Variants in LRFN5 observed in about 807,000 individuals in gnomAD.
LRFN5 encodes the protein leucine rich repeat and fibronectin type III domain containing 5, also known as leucine-rich repeat and fibronectin type-III domain-containing protein 5.
A neutral mutation model predicts 45.6 loss-of-function variants in LRFN5; 24 were observed. The observed-to-expected ratio is 0.53, with a 90% CI of 0.38 to 0.74. LRFN5 has a LOEUF of 0.74. Ranked by LOEUF, LRFN5 falls within the 30% of genes least tolerant of loss-of-function variation. The probability of loss-of-function intolerance (pLI) is 0.00; values close to 1 mark genes in which losing one functional copy is unlikely to be tolerated. For synonymous variants in LRFN5, 340 were observed against 313.8 expected (o/e 1.08, Z -0.88); for missense variants, 776 against 861.5 (o/e 0.90, Z 1.24).
chr14:41,876,816 A>T (rs1890204717), intron 2 of LRFN5, among the ~76,000 whole-genome samples: 1 of 152,110 alleles, frequency 6.6e-6, no homozygotes, highest in African/African-American at 2.4e-5. Flanking sequence ...TACCCGCAGC[A>T]TCCTCAAACT....
intron 1 of LRFN5, among the ~76,000 whole-genome samples, chr14:41,679,021 A>G (rs1881764880): frequency 6.7e-6 from 1 of 149,498 alleles, no homozygotes; most frequent in South Asian, 2.2e-4. Flanking sequence ...AACACCAGGC[A>G]GAACTCAGCT....
chr14:41,866,936 A>G (rs771332064), intron 2 of LRFN5, among the ~76,000 whole-genome samples: 14 of 152,112 alleles, frequency 9.2e-5, no homozygotes, highest in Non-Finnish European at 1.6e-4. Flanking sequence ...ATATTGGATC[A>G]TATTATTATA....
intron 1 of LRFN5, among the ~76,000 whole-genome samples, chr14:41,637,735 G>A (rs1879374251): frequency 6.6e-6 from 1 of 152,132 alleles, no homozygotes. Context: ...CTAAGGATAA[G>A]TCTAAAAAGT....
chr14:41,755,994 G>C lies in LRFN5; in HGVS notation c.-196-10860G>C, dbSNP rs187045571. On this transcript the variant is annotated intron_variant, in intron 1 of 5. Coordinates refer to ENST00000298119, the MANE Select transcript of LRFN5 (RefSeq NM_152447.5). ...AAAATCTCTCAGCATTTGCTTGTCT[G>C]TAAAGTATTTTATTTCTCCTTCACT... is the stretch of plus-strand genomic sequence containing the variant. Among the ~76,000 whole-genome samples, 239 of 152,276 alleles carry C rather than the reference G, an allele frequency of 1.6e-3. 1 individual carries two copies. The highest frequency in any genetic ancestry group is 2.3e-3 in the East Asian group (12 of 5,170).
At chr14:41,710,133 G>T (rs748678243) in intron 1 of LRFN5, among the ~76,000 whole-genome samples, 1 of 152,016 alleles carries the variant, frequency 6.6e-6, no homozygotes, top group Non-Finnish European at 1.5e-5. Context: ...GTAGATCAAG[G>T]TTGTTTACAG....
intron 1 of LRFN5, among the ~76,000 whole-genome samples, chr14:41,669,306 A>T (rs1881052618): frequency 1.3e-5 from 2 of 152,058 alleles, no homozygotes; most frequent in South Asian, 4.1e-4. Flanking sequence ...GAAAAAAAAA[A>T]TTAAAGGAAA....
chr14:41,888,286 A>G (rs1361530363), intron 3 of LRFN5, among the ~76,000 whole-genome samples: 1 of 152,128 alleles, frequency 6.6e-6, no homozygotes, highest in Non-Finnish European at 1.5e-5. Context: ...ACACTGATTT[A>G]TTATAAAAAT....
chr14:41,762,967 T>C (rs2138873213), intron 1 of LRFN5, among the ~76,000 whole-genome samples: 1 of 152,278 alleles, frequency 6.6e-6, no homozygotes, highest in Non-Finnish European at 1.5e-5. Flanking sequence ...GAGAAATGAT[T>C]GGTAATGATA....
chr14:41,765,051 C>G (rs2138877831), intron 1 of LRFN5, among the ~76,000 whole-genome samples: 1 of 152,096 alleles, frequency 6.6e-6, no homozygotes, highest in Admixed American at 6.6e-5. Context: ...GTTAAAGAAA[C>G]AGAGCACAGG....
intron 1 of LRFN5, among the ~76,000 whole-genome samples, chr14:41,634,170 G>A (rs1196544572): frequency 3.9e-5 from 6 of 152,058 alleles, no homozygotes; most frequent in Non-Finnish European, 8.8e-5. Context: ...GTAAAACTGG[G>A]CTGAGTTTGT....
chr14:41,658,835 C>G (rs1880495951), intron 1 of LRFN5, among the ~76,000 whole-genome samples: 1 of 151,786 alleles, frequency 6.6e-6, no homozygotes, highest in Admixed American at 6.6e-5. Flanking sequence ...TTTTTATTAA[C>G]TAAATCTGTG....
At chr14:41,707,683 G>A (rs1194232548) in intron 1 of LRFN5, among the ~76,000 whole-genome samples, 1 of 151,874 alleles carries the variant, frequency 6.6e-6, no homozygotes, top group Non-Finnish European at 1.5e-5. Context: ...TTATTTTCAA[G>A]TGTTAGCAAA....
intron 2 of LRFN5, among the ~76,000 whole-genome samples, chr14:41,840,675 C>A (rs1048699774): frequency 1.7e-4 from 26 of 151,958 alleles, no homozygotes; most frequent in Non-Finnish European, 2.9e-5. Flanking sequence ...AAATTGTAAC[C>A]TTGCCATTAT....
At chr14:41,671,231 C>T (rs1486623656) in intron 1 of LRFN5, among the ~76,000 whole-genome samples, 4 of 152,110 alleles carry the variant, frequency 2.6e-5, no homozygotes, top group Admixed American at 6.5e-5. Flanking sequence ...TTCTCAATAT[C>T]GTAATCATCT....
At chr14:41,890,759 A>G (rs1243449159) in intron 3 of LRFN5, among the ~76,000 whole-genome samples, 1 of 152,100 alleles carries the variant, frequency 6.6e-6, no homozygotes, top group Non-Finnish European at 1.5e-5. Context: ...TATTAAGTAT[A>G]TATTTACTGG....
chr14:41,779,252 A>T (rs1026313657), intron 2 of LRFN5, among the ~76,000 whole-genome samples: 2 of 151,780 alleles, frequency 1.3e-5, no homozygotes, highest in African/African-American at 4.8e-5. Flanking sequence ...AGTTGATATG[A>T]CTTTTTTTGT....
chr14:41,894,234 A>C lies in LRFN5; in HGVS notation c.2098+2272A>C, dbSNP rs75154687. The C allele has an allele frequency of 2.1e-3, 2,063 of 984,356 alleles. 3 individuals carry two copies. The highest frequency in any genetic ancestry group is 0.01 in the South Asian group (213 of 21,258). 61.0% of individuals were successfully genotyped at this position (984,356 alleles called of 1,614,324 possible). A position where few individuals can be genotyped will look rare whatever the true frequency, so the allele number is the denominator to read the frequency against. ...CATTAGCAAGGTTAACATATGTACTATAAGTTACTGATGAACTTAGTATTT... is the reference window on the plus strand; with the variant it reads ...CATTAGCAAGGTTAACATATGTACTCTAAGTTACTGATGAACTTAGTATTT... On this transcript the variant is annotated intron_variant, in intron 4 of 5. Coordinates refer to ENST00000298119, the MANE Select transcript of LRFN5 (RefSeq NM_152447.5).
chr14:41,622,799 CATG>C (rs1888181738), intron 1 of LRFN5, among the ~76,000 whole-genome samples: 1 of 152,070 alleles, frequency 6.6e-6, no homozygotes. Flanking sequence ...TATTTGTTAT[CATG>C]ATCTATTTTG....
chr14:41,747,392 A>C (rs1158081657), intron 1 of LRFN5, among the ~76,000 whole-genome samples: 2 of 152,066 alleles, frequency 1.3e-5, no homozygotes, highest in East Asian at 3.8e-4. Context: ...GCATGTGTGG[A>C]CAAATTATTT....
Sources: gnomAD v4.1 joint callset for allele counts (sites outside exome capture counted in the v4.1 genomes callset) on GRCh38, gnomAD v4.1.1 for gene constraint, MANE v1.5 for transcripts, NCBI Gene and HGNC (gene_info 2026-07-23, HGNC 2026-07-21) for gene names.